The following NPAS3 variants were observed in gnomAD, a reference collection of about 807,000 sequenced individuals.
NPAS3 encodes the protein neuronal PAS domain-containing protein 3.
In NPAS3, 14 loss-of-function variants were observed where a neutral mutation model predicts 73.1. That is an observed-to-expected ratio of 0.19 (90% CI 0.13 to 0.30). The LOEUF (loss-of-function observed/expected upper bound fraction) is 0.30, where lower values mean the gene tolerates loss of function less well. NPAS3 is among the 10% of genes least tolerant of loss of function. NPAS3 has a pLI of 1.00. For missense variants in NPAS3, 1,096 were observed against 1,250.0 expected (o/e 0.88, Z 1.86); for synonymous variants, 620 against 541.5 (o/e 1.14, Z -2.01).
intron 1 of NPAS3, among the ~76,000 whole-genome samples, chr14:32,966,680 G>A (rs2037176631): frequency 1.2e-5 from 1 of 80,342 alleles, no homozygotes. Flanking sequence ...TGAGGCAGGA[G>A]AATGGCGTGA....
chr14:32,989,844 G>A (rs1489310115), intron 1 of NPAS3, among the ~76,000 whole-genome samples: 1 of 152,200 alleles, frequency 6.6e-6, no homozygotes, highest in Non-Finnish European at 1.5e-5. Flanking sequence ...TGATGTGGAG[G>A]AGAGAGGAAG....
At chr14:33,203,953 C>G (rs2046722327) in intron 2 of NPAS3, among the ~76,000 whole-genome samples, 1 of 152,156 alleles carries the variant, frequency 6.6e-6, no homozygotes, top group African/African-American at 2.4e-5. Flanking sequence ...TGTAAGTGTT[C>G]CAATTTCTCC....
At chr14:33,066,303 TC>T (rs1295651478) in intron 2 of NPAS3, among the ~76,000 whole-genome samples, 3 of 152,174 alleles carry the variant, frequency 2.0e-5, no homozygotes, top group Non-Finnish European at 4.4e-5. Flanking sequence ...GGATGGAAGG[TC>T]GAGGGCATTC....
At chr14:33,424,738 G>A (rs77185555) in intron 4 of NPAS3, among the ~76,000 whole-genome samples, 5,353 of 151,660 alleles carry the variant, frequency 0.035, 179 homozygotes, top group East Asian at 0.15. Flanking sequence ...GTGTTAGAAG[G>A]GGGTGGGAAT....
chr14:33,778,620 C>T, intron 9 of NPAS3, 48 bp downstream of exon 9: 1 of 1,267,304 alleles, frequency 7.9e-7, no homozygotes, highest in Non-Finnish European at 1.2e-6. Flanking sequence ...TGTCAGCAAT[C>T]TCTGAGGCTT....
intron 1 of NPAS3, among the ~76,000 whole-genome samples, chr14:33,051,328 T>G (rs1191326685): frequency 3.4e-5 from 5 of 147,488 alleles, no homozygotes; most frequent in Admixed American, 2.0e-4. Context: ...CACTACCACC[T>G]ACTAAGTGGC....
intron 2 of NPAS3, among the ~76,000 whole-genome samples, chr14:33,095,228 G>A (rs1037385849): frequency 2.0e-5 from 3 of 152,194 alleles, no homozygotes; most frequent in African/African-American, 7.2e-5. Context: ...AGTGCAATGA[G>A]TGTGTGTGGT....
chr14:32,971,052 A>G (rs1046089533), intron 1 of NPAS3, among the ~76,000 whole-genome samples: 2 of 150,468 alleles, frequency 1.3e-5, no homozygotes, highest in Non-Finnish European at 3.0e-5. Flanking sequence ...TTAAGATTGG[A>G]CTTTAGTGAA....
At chr14:33,501,697 A>T (rs1479921375) in intron 4 of NPAS3, among the ~76,000 whole-genome samples, 6 of 150,968 alleles carry the variant, frequency 4.0e-5, no homozygotes, top group Non-Finnish European at 4.4e-5. Context: ...CTAGGGTGTT[A>T]ACAGTCCTGA....
chr14:33,678,838 A>G (rs1012649615), intron 6 of NPAS3, among the ~76,000 whole-genome samples: 4 of 152,154 alleles, frequency 2.6e-5, no homozygotes, highest in Non-Finnish European at 4.4e-5. Context: ...AAGCCCAAAT[A>G]AATATGTCAA....
chr14:33,411,649 A>G (rs981849582), intron 4 of NPAS3, among the ~76,000 whole-genome samples: 1 of 152,196 alleles, frequency 6.6e-6, no homozygotes, highest in Non-Finnish European at 1.5e-5. Flanking sequence ...AGCTCTACCA[A>G]TACAATTTGT....
At chr14:33,508,287 T>C (rs2052869700) in intron 4 of NPAS3, among the ~76,000 whole-genome samples, 1 of 152,066 alleles carries the variant, frequency 6.6e-6, no homozygotes, top group South Asian at 2.1e-4. Flanking sequence ...TCTGTTCTTA[T>C]AATTACGTGA....
intron 2 of NPAS3, among the ~76,000 whole-genome samples, chr14:33,196,019 CTTTTG>C (rs1239399080): frequency 1.3e-5 from 2 of 152,126 alleles, no homozygotes; most frequent in Non-Finnish European, 2.9e-5. Context: ...GAGAAAAATC[CTTTTG>C]TTTTAAGGTG....
chr14:33,799,712 GCCGGCCCCCCGCC>G lies in NPAS3; in HGVS notation c.1427-19_1427-7del, dbSNP rs1318455913. 7.1e-6 allele frequency: 11 copies of G among 1,545,922 alleles called. No homozygotes were observed. The highest frequency in any genetic ancestry group is 9.6e-6 in the Non-Finnish European group (11 of 1,145,296). On this transcript the variant is annotated splice_polypyrimidine_tract_variant and intron_variant, in intron 11 of 11. Coordinates refer to ENST00000356141, the Ensembl canonical transcript of NPAS3. Reference sequence around the variant, plus strand: ...CTCTTCTCTCTCCGCCCCCGCCACCGCCGGCCCCCCGCCCCACACAGAGGACAACGAGAACTCC... The same window carrying G: ...CTCTTCTCTCTCCGCCCCCGCCACCGCCACACAGAGGACAACGAGAACTCC...
At chr14:33,706,817 G>A (rs2060668630) in intron 6 of NPAS3, among the ~76,000 whole-genome samples, 1 of 152,148 alleles carries the variant, frequency 6.6e-6, no homozygotes, top group Non-Finnish European at 1.5e-5. Context: ...GCCCTGAGCA[G>A]CTGATTCAGA....
At chr14:33,501,153 G>A (rs1420129868) in intron 4 of NPAS3, among the ~76,000 whole-genome samples, 1 of 151,860 alleles carries the variant, frequency 6.6e-6, no homozygotes, top group Non-Finnish European at 1.5e-5. Flanking sequence ...TAGAGTGTGT[G>A]TGCTAAACAT....
At chr14:33,674,139 C>T (rs995892071) in intron 5 of NPAS3, among the ~76,000 whole-genome samples, 1 of 152,180 alleles carries the variant, frequency 6.6e-6, no homozygotes, top group African/African-American at 2.4e-5. Context: ...AGTATCTGCA[C>T]ATCCGAGCAA....
At chr14:33,435,526 A>G (rs2048952567) in intron 4 of NPAS3, among the ~76,000 whole-genome samples, 2 of 152,190 alleles carry the variant, frequency 1.3e-5, no homozygotes, top group Admixed American at 6.5e-5. Flanking sequence ...TCCTGCCTAA[A>G]TATGTTGAAT....
chr14:33,658,672 A>T (rs967311827), intron 5 of NPAS3, among the ~76,000 whole-genome samples: 1 of 152,164 alleles, frequency 6.6e-6, no homozygotes, highest in African/African-American at 2.4e-5. Flanking sequence ...AATTTCCTCA[A>T]ATGACTTGCA....
Sources: allele counts gnomAD v4.1 joint callset (sites outside exome capture counted in the v4.1 genomes callset), GRCh38; gene constraint gnomAD v4.1.1; transcripts MANE v1.5; gene names NCBI Gene and HGNC (gene_info 2026-07-23, HGNC 2026-07-21).